The following DLEC1 variants were observed in gnomAD, a reference collection of about 807,000 sequenced individuals.
DLEC1 encodes deleted in lung and esophageal cancer protein 1.
A neutral mutation model predicts 198.1 loss-of-function variants in DLEC1; 146 were observed. That is an observed-to-expected ratio of 0.74 (90% CI 0.64 to 0.85). The LOEUF (loss-of-function observed/expected upper bound fraction) is 0.85, where lower values mean the gene tolerates loss of function less well. Among genes scored for constraint, DLEC1 ranks in the 40% least tolerant of loss-of-function variants. DLEC1 has a pLI of 0.00. For synonymous variants in DLEC1, 897 were observed against 866.8 expected (o/e 1.03, Z -0.61); for missense variants, 2,233 against 2,220.0 (o/e 1.01, Z -0.12).
At chr3:38,079,908 T>C (rs1391295474) in intron 6 of DLEC1, among the ~76,000 whole-genome samples, 1 of 152,194 alleles carries the variant, frequency 6.6e-6, no homozygotes, top group Non-Finnish European at 1.5e-5. Flanking sequence ...AATTAAGTCC[T>C]GTTGTGGGGT....
intron 7 of DLEC1, among the ~76,000 whole-genome samples, chr3:38,084,900 C>T (rs191080086): frequency 1.5e-3 from 225 of 152,252 alleles, no homozygotes; most frequent in Non-Finnish European, 1.6e-3. Context: ...AGCAGCCCCC[C>T]AGCCAGCCTT....
Position 38,084,230 on chromosome 3 carries a change from T to A in DLEC1, c.1246T>A (p.Phe416Ile), listed in dbSNP as rs1252996279. 1 of 1,612,392 alleles carries A rather than the reference T, an allele frequency of 6.2e-7. No individual in the cohort carries two copies. Among genetic ancestry groups the A allele is most frequent in the Non-Finnish European group, 8.5e-7 (1 of 1,179,058 alleles). ...LRVLPPSTPY[F>I]ALGLGMFPGK... is the part of the protein sequence containing the mutation. ...AGTCCTCCCGCCTTCCACGCCATAC[T>A]TCGCTCTGGGACTGGGTAAGTTCAG... The change falls in exon 7 of 37, where the codon TTC (phenylalanine) becomes ATC (isoleucine). Residue 416 changes from phenylalanine to isoleucine, a missense_variant. Phe to Ile is a conservative substitution (Grantham distance 21). Coordinates refer to ENST00000308059, the MANE Select transcript of DLEC1 (RefSeq NM_007335.4).
intron 36 of DLEC1, 37 bp from the exon 37 acceptor site, chr3:38,122,252 G>T (rs1700518005): frequency 6.2e-7 from 1 of 1,608,240 alleles, no homozygotes. Context: ...CCCTGCCCAG[G>T]TGCCTCCTAA....
rs376900969 is a variant in DLEC1 at position 38,062,596 on chromosome 3, A to G, written c.889A>G (p.Arg297Gly). ...REPLKKASQPRNKNWMNHLRV... is the reference protein window; with the variant it reads ...REPLKKASQPGNKNWMNHLRV... ...TGTTTCAAAGAAAGCAAGTCAACCAAGGAATAAAAACTGGATGAACCACTT... is the reference window on the plus strand; with the variant it reads ...TGTTTCAAAGAAAGCAAGTCAACCAGGGAATAAAAACTGGATGAACCACTT... The change falls in exon 5 of 37, where the codon AGG (arginine) becomes GGG (glycine). Residue 297 changes from arginine (R) to glycine (G), a missense_variant. Transcript: ENST00000308059. 1.7e-5 allele frequency: 28 copies of G among 1,614,196 alleles called. No homozygotes were observed. In the African/African-American group the frequency reaches 3.5e-4, roughly 20 times the overall value.
chr3:38,121,193 G>A (rs1700438340), intron 34 of DLEC1, among the ~76,000 whole-genome samples: 9 of 152,244 alleles, frequency 5.9e-5, no homozygotes, highest in Admixed American at 5.9e-4. Flanking sequence ...CTGTGGGATG[G>A]TGCATGGCAG....
intron 6 of DLEC1, among the ~76,000 whole-genome samples, chr3:38,065,638 C>T (rs752456556): frequency 7.2e-5 from 11 of 152,302 alleles, no homozygotes; most frequent in Non-Finnish European, 1.5e-4. Flanking sequence ...TCAGTTAATA[C>T]ATCAATTAGT....
At position 38,117,813 on chromosome 3, in the gene DLEC1, G is replaced by A. The variant is rs961353657; in HGVS notation, c.4493G>A (p.Ser1498Asn). ...ACCTCTGTGGCTGCCCAGGTGCTGA[G>A]TGAGCTGGTGACCACCCACCACCTG... ...IPEQPCSGVL[S>N]ELVTTHHLKL... Residue 1498 changes from serine to asparagine, a missense_variant, in exon 33 of 37, where the codon AGT becomes AAT. By Grantham distance (46) the Ser-to-Asn change is conservative. Transcript: ENST00000308059. 2 of 1,614,104 alleles carry A rather than the reference G, an allele frequency of 1.2e-6. No individual in the cohort carries two copies. The highest frequency in any genetic ancestry group is 8.5e-7 in the Non-Finnish European group (1 of 1,179,996).
chr3:38,081,344 C>T (rs1403426631), intron 6 of DLEC1, among the ~76,000 whole-genome samples: 64 of 133,118 alleles, frequency 4.8e-4, no homozygotes, highest in East Asian at 2.1e-3. Context: ...ACCTCCCAGA[C>T]GGGGTGGTGG....
intron 7 of DLEC1, among the ~76,000 whole-genome samples, chr3:38,084,548 A>AGTAGTG (rs1559430812): frequency 7.1e-4 from 1 of 1,406 alleles, no homozygotes. Flanking sequence ...TGGTAGTAGT[A>AGTAGTG]GTGGTAGTAG....
chr3:38,069,536 G>T (rs1024888948), intron 6 of DLEC1, among the ~76,000 whole-genome samples: 21 of 152,054 alleles, frequency 1.4e-4, no homozygotes, highest in Non-Finnish European at 2.8e-4. Context: ...ACCCAGGAAC[G>T]CAGGGAATGT....
intron 10 of DLEC1, among the ~76,000 whole-genome samples, chr3:38,089,465 T>C (rs998410072): frequency 3.3e-5 from 5 of 152,208 alleles, no homozygotes; most frequent in Admixed American, 3.3e-4. Context: ...TGTGGCTCTC[T>C]TATTCATGTC....
intron 18 of DLEC1, among the ~76,000 whole-genome samples, chr3:38,099,602 G>C (rs1174206458): frequency 6.6e-6 from 1 of 152,176 alleles, no homozygotes; most frequent in African/African-American, 2.4e-5. Flanking sequence ...GAGCAACAAA[G>C]ACAAAATAAA....
intron 6 of DLEC1, among the ~76,000 whole-genome samples, chr3:38,070,631 A>T (rs1168671060): frequency 6.6e-6 from 1 of 152,050 alleles, no homozygotes; most frequent in Non-Finnish European, 1.5e-5. Context: ...ATTTTATAAG[A>T]TTTGGGTGGG....
rs758061600 is a variant in DLEC1, at chr3:38,109,428, A to T, written c.3130-4A>T. 3 of 1,614,072 alleles carry T rather than the reference A, an allele frequency of 1.9e-6. No individual in the cohort carries two copies. The highest frequency in any genetic ancestry group is 2.5e-6 in the Non-Finnish European group (3 of 1,179,958). On this transcript the variant is annotated splice_polypyrimidine_tract_variant and splice_region_variant and intron_variant, in intron 21 of 36. Coordinates refer to ENST00000308059, the MANE Select transcript of DLEC1 (RefSeq NM_007335.4). ...GTCTGACCCCTGGATGGGCTTTCTTATAGGAAGAGCTGACCCATCTGGCCC... is the reference window on the plus strand; with the variant it reads ...GTCTGACCCCTGGATGGGCTTTCTTTTAGGAAGAGCTGACCCATCTGGCCC...
intron 15 of DLEC1, 48 bp downstream of exon 15, chr3:38,096,785 C>T (rs773271498): frequency 1.9e-6 from 3 of 1,554,038 alleles, no homozygotes; most frequent in Non-Finnish European, 2.6e-6. Flanking sequence ...GCAGTGTTGA[C>T]ATGAGTGCAA....
intron 6 of DLEC1, among the ~76,000 whole-genome samples, chr3:38,077,807 G>A (rs570195711): frequency 6.6e-6 from 1 of 152,248 alleles, no homozygotes; most frequent in East Asian, 1.9e-4. Context: ...CTGGGTGGGG[G>A]CAAATCTTCA....
chr3:38,073,014 T>A (rs925159520), intron 6 of DLEC1, among the ~76,000 whole-genome samples: 1 of 152,162 alleles, frequency 6.6e-6, no homozygotes, highest in Non-Finnish European at 1.5e-5. Flanking sequence ...GCTGAAGTAA[T>A]GAGGGCTGTC....
At chr3:38,080,150 A>G (rs1697887793) in intron 6 of DLEC1, among the ~76,000 whole-genome samples, 2 of 152,190 alleles carry the variant, frequency 1.3e-5, no homozygotes, top group African/African-American at 4.8e-5. Context: ...AACCTTGACT[A>G]TGCCTTTAGC....
Position 38,056,103 on chromosome 3 carries a change from AC to A in DLEC1, c.563-3638del, listed in dbSNP as rs1559400181. On this transcript the variant is annotated intron_variant, in intron 2 of 36. Coordinates refer to ENST00000308059, the MANE Select transcript of DLEC1 (RefSeq NM_007335.4). ...CACACACACACACACACACACACAC[AC>A]ACACACACACACAAATAGCTGAGTG... Among the ~76,000 whole-genome samples the A allele has an allele frequency of 2.5e-3, 357 of 141,144 alleles. 2 individuals carry two copies. The highest frequency in any genetic ancestry group is 9.5e-3 in the African/African-American group (332 of 34,886). The allele number at this position is 141,144 out of a possible 152,430, so 92.6% of individuals were successfully genotyped here.
Sources: allele counts gnomAD v4.1 joint callset (sites outside exome capture counted in the v4.1 genomes callset), GRCh38; gene constraint gnomAD v4.1.1; transcripts MANE v1.5; gene names NCBI Gene and HGNC (gene_info 2026-07-23, HGNC 2026-07-21).